Variants in GALNT13 observed in about 807,000 individuals in gnomAD.
GALNT13 encodes the protein UDP-GalNAc:polypeptide N-acetylgalactosaminyltransferase 13.
A neutral mutation model predicts 64.2 loss-of-function variants in GALNT13; 28 were observed. The ratio of observed to expected loss-of-function variants is 0.44; its 90% CI spans 0.32 to 0.60. The LOEUF is 0.60. Among genes scored for constraint, GALNT13 ranks in the 20% least tolerant of loss-of-function variants. The pLI, the probability that GALNT13 is intolerant of heterozygous loss-of-function variation, is 0.05. For synonymous variants in GALNT13, 214 were observed against 224.6 expected (o/e 0.95, Z 0.42); for missense variants, 577 against 669.8 (o/e 0.86, Z 1.53).
the GALNT13 span, among the ~76,000 whole-genome samples, chr2:153,828,925 G>A: frequency 1.3e-5 from 2 of 152,124 alleles, no homozygotes; most frequent in South Asian, 4.1e-4. Flanking sequence ...TCTCTCTTGA[G>A]TCTGAAATTC....
chr2:153,282,751 C>CT, the GALNT13 span, among the ~76,000 whole-genome samples: 27 of 152,132 alleles, frequency 1.8e-4, no homozygotes, highest in Admixed American at 1.5e-3. Flanking sequence ...TTTGCATTGG[C>CT]TTTTTTCTCA....
chr2:153,951,311 A>C (rs1574189183), intron 3 of GALNT13, among the ~76,000 whole-genome samples: 2 of 152,192 alleles, frequency 1.3e-5, no homozygotes, highest in Admixed American at 6.6e-5. Context: ...AAACAGGATA[A>C]GAGTTGTGTC....
chr2:154,425,662 A>T (rs1700437415), intron 11 of GALNT13, among the ~76,000 whole-genome samples: 1 of 152,212 alleles, frequency 6.6e-6, no homozygotes, highest in Admixed American at 6.5e-5. Context: ...TTGCCAGAAG[A>T]CCATTACAAA....
At chr2:153,120,854 T>C in the GALNT13 span, among the ~76,000 whole-genome samples, 1 of 152,168 alleles carries the variant, frequency 6.6e-6, no homozygotes, top group Non-Finnish European at 1.5e-5. Context: ...GAAAGCTTTC[T>C]GTTAACGAGA....
chr2:154,135,093 C>T (rs988422524), intron 3 of GALNT13, among the ~76,000 whole-genome samples: 10 of 152,062 alleles, frequency 6.6e-5, no homozygotes, highest in African/African-American at 2.4e-4. Flanking sequence ...TGTTTATGTA[C>T]AGATTATTGC....
At chr2:154,043,522 G>A (rs1699124517) in intron 3 of GALNT13, among the ~76,000 whole-genome samples, 1 of 146,620 alleles carries the variant, frequency 6.8e-6, no homozygotes, top group Admixed American at 6.9e-5. Flanking sequence ...AAATCTAACA[G>A]TTATTTGCTA....
chr2:153,330,626 T>A, the GALNT13 span, among the ~76,000 whole-genome samples: 1 of 151,692 alleles, frequency 6.6e-6, no homozygotes, highest in South Asian at 2.1e-4. Flanking sequence ...TTTTTTTTTA[T>A]CCTGCAACTT....
chr2:153,152,057 CAGG>C, the GALNT13 span, among the ~76,000 whole-genome samples: 1 of 152,058 alleles, frequency 6.6e-6, no homozygotes, highest in East Asian at 1.9e-4. Context: ...TATTTCTATT[CAGG>C]AGATCAAATC....
chr2:153,611,224 C>A, the GALNT13 span, among the ~76,000 whole-genome samples: 45 of 152,142 alleles, frequency 3.0e-4, no homozygotes, highest in Non-Finnish European at 5.9e-4. Context: ...CTAGACTAGC[C>A]AAGTATTTGG....
chr2:153,547,433 A>G, the GALNT13 span, among the ~76,000 whole-genome samples: 8 of 152,382 alleles, frequency 5.2e-5, no homozygotes, highest in Non-Finnish European at 8.8e-5. Context: ...ATTAGCATTC[A>G]TACTACAGGT....
the GALNT13 span, among the ~76,000 whole-genome samples, chr2:153,577,743 C>T: frequency 4.6e-5 from 7 of 151,492 alleles, no homozygotes; most frequent in East Asian, 1.9e-4. Context: ...CACAAAACAC[C>T]GTGTTCCTGT....
chr2:153,708,773 G>T, the GALNT13 span, among the ~76,000 whole-genome samples: 4 of 151,998 alleles, frequency 2.6e-5, no homozygotes, highest in Admixed American at 2.0e-4. Context: ...AAACAGCATG[G>T]TACTGCTGTT....
chr2:153,990,753 A>G (rs147177691), intron 3 of GALNT13, among the ~76,000 whole-genome samples: 152 of 152,338 alleles, frequency 1.0e-3, no homozygotes, highest in African/African-American at 3.5e-3. Context: ...GCACTTTCCT[A>G]GCCATACAGC....
the GALNT13 span, among the ~76,000 whole-genome samples, chr2:153,084,937 C>T: frequency 6.6e-6 from 1 of 152,150 alleles, no homozygotes; most frequent in Non-Finnish European, 1.5e-5. Context: ...CAGAAGAAGA[C>T]AGGAAAATGT....
chr2:154,189,887 A>G (rs752861747), intron 4 of GALNT13, among the ~76,000 whole-genome samples: 5 of 152,176 alleles, frequency 3.3e-5, no homozygotes, highest in Non-Finnish European at 7.3e-5. Context: ...AAAGATTCAC[A>G]TGTTTATACC....
At chr2:153,138,794 ACTAC>A in the GALNT13 span, among the ~76,000 whole-genome samples, 14 of 152,070 alleles carry the variant, frequency 9.2e-5, no homozygotes, top group Non-Finnish European at 1.9e-4. Flanking sequence ...CAATCTCTTG[ACTAC>A]TGGCAAGTGG....
the GALNT13 span, among the ~76,000 whole-genome samples, chr2:153,773,490 G>A: frequency 6.6e-6 from 1 of 152,160 alleles, no homozygotes; most frequent in African/African-American, 2.4e-5. Context: ...TTGTAGTATT[G>A]TGTATTTGCA....
Position 154,268,477 on chromosome 2 carries a change from T to C in GALNT13, c.975+9339T>C, listed in dbSNP as rs1403913644. 3.3e-5 allele frequency among the ~76,000 whole-genome samples: 5 copies of C among 152,288 alleles called. No individual in the cohort carries two copies. The East Asian group carries it at 9.7e-4, about 29-fold the overall frequency. ...CATGAAAACTTTTAGTGGTAATGTA[T>C]GTATTCATTATCTTGATTGTGGTGA... On this transcript the variant is annotated intron_variant, in intron 8 of 12. Coordinates refer to ENST00000392825, the MANE Select transcript of GALNT13 (RefSeq NM_052917.4).
At chr2:154,245,144 T>TAAATAAAAA (rs1437426983) in intron 6 of GALNT13, among the ~76,000 whole-genome samples, 7 of 147,430 alleles carry the variant, frequency 4.7e-5, no homozygotes, top group Admixed American at 3.4e-4. Flanking sequence ...AATAAATAAA[T>TAAATAAAAA]AAAACACCAG....
Sources: gnomAD v4.1 joint callset for allele counts (sites outside exome capture counted in the v4.1 genomes callset) on GRCh38, gnomAD v4.1.1 for gene constraint, MANE v1.5 for transcripts, NCBI Gene and HGNC (gene_info 2026-07-23, HGNC 2026-07-21) for gene names.